Variants in RNF185 observed in about 807,000 individuals in gnomAD.
RNF185 encodes the protein ring finger protein 185.
In RNF185, 13 loss-of-function variants were observed where a neutral mutation model predicts 24.9. That is an observed-to-expected ratio of 0.52 (90% CI 0.34 to 0.83). The LOEUF (loss-of-function observed/expected upper bound fraction) is 0.83. RNF185 is among the 40% of genes least tolerant of loss of function. The pLI is 0.01. For synonymous variants in RNF185, 79 were observed against 90.3 expected (o/e 0.88, Z 0.71); for missense variants, 184 against 244.7 (o/e 0.75, Z 1.65).
chr22:31,197,737 T>G (rs1325153831), intron 5 of RNF185, among the ~76,000 whole-genome samples: 1 of 152,082 alleles, frequency 6.6e-6, no homozygotes, highest in African/African-American at 2.4e-5. Flanking sequence ...TTTTTTGTCT[T>G]TCTTTTTTTT....
intron 1 of RNF185, among the ~76,000 whole-genome samples, chr22:31,184,743 G>A (rs973432953): frequency 2.6e-5 from 4 of 152,134 alleles, no homozygotes; most frequent in Non-Finnish European, 4.4e-5. Flanking sequence ...GCAAAACCCC[G>A]TCTCCACCAA....
At chr22:31,184,183 G>A (rs971215700) in intron 1 of RNF185, among the ~76,000 whole-genome samples, 5 of 150,448 alleles carry the variant, frequency 3.3e-5, no homozygotes, top group Admixed American at 6.6e-5. Flanking sequence ...GGGCAGAGGG[G>A]CTCCTCACTT....
At chr22:31,186,916 G>A in intron 1 of RNF185, 131 bp from the exon 2 acceptor site, 1 of 669,748 alleles carries the variant, frequency 1.5e-6, no homozygotes, top group South Asian at 2.0e-5. Flanking sequence ...GTCTTCTGTA[G>A]CGCTTTGGGA....
At chr22:31,172,748 CAA>C (rs35573590) in intron 1 of RNF185, among the ~76,000 whole-genome samples, 5 of 97,708 alleles carry the variant, frequency 5.1e-5, no homozygotes, top group African/African-American at 3.8e-5. Flanking sequence ...GACCCCGTCT[CAA>C]AAAAAAAAAA....
chr22:31,176,919 A>G (rs1184820786), intron 1 of RNF185, among the ~76,000 whole-genome samples: 4 of 152,224 alleles, frequency 2.6e-5, no homozygotes, highest in African/African-American at 4.8e-5. Context: ...TAACCAGGTA[A>G]TGGGAGCTAG....
In RNF185 at chr22:31,200,827, G is replaced by A. The variant is rs1021614482; in HGVS notation, c.364-671G>A. Among the ~76,000 whole-genome samples, 3 of 152,284 alleles carry A rather than the reference G, an allele frequency of 2.0e-5. No individual in the cohort carries two copies. In the South Asian group the frequency reaches 6.2e-4, roughly 32 times the overall value. On this transcript the variant is annotated intron_variant, in intron 5 of 6. Transcript: ENST00000326132. ...TTTTATAACCAGAAAACATTATAGT[G>A]TTTTAAAATGTAAAAATTCTATGTA...
intron 4 of RNF185, 55 bp downstream of exon 4, chr22:31,195,636 T>A: frequency 8.9e-7 from 1 of 1,122,450 alleles, no homozygotes; most frequent in Non-Finnish European, 1.3e-6. Flanking sequence ...GTGAATTCAC[T>A]CCCATTCAGC....
chr22:31,176,240 A>AT (rs200812843), intron 1 of RNF185, among the ~76,000 whole-genome samples: 1,633 of 144,688 alleles, frequency 0.011, 20 homozygotes, highest in African/African-American at 0.03. Context: ...AATAAATTCA[A>AT]TTTTTTTTTT....
At chr22:31,195,873 G>A (rs1202459618) in intron 4 of RNF185, among the ~76,000 whole-genome samples, 3 of 152,224 alleles carry the variant, frequency 2.0e-5, no homozygotes, top group African/African-American at 4.8e-5. Flanking sequence ...GCTCCAGGGA[G>A]CAGGGTTGCT....
chr22:31,180,915 C>CTG (rs567264606), intron 1 of RNF185, among the ~76,000 whole-genome samples: 1,271 of 96,816 alleles, frequency 0.013, 14 homozygotes, highest in South Asian at 0.031. Context: ...CTCTCTCTCT[C>CTG]TGTGTGTGTG....
Position 31,201,595 on chromosome 22 carries a change from A to G in RNF185, c.461A>G (p.Asn154Ser). The G allele has an allele frequency of 1.2e-6, 2 of 1,610,592 alleles. No individual in the cohort carries two copies. The highest frequency in any genetic ancestry group is 1.1e-5 in the South Asian group (1 of 90,972). ...FGIFATAFNINDGRPPPAVPG... is the reference protein window; with the variant it reads ...FGIFATAFNISDGRPPPAVPG... ...ATATTTGCCACAGCATTTAATATAA[A>G]TGATGGGCGGCCTCCTCCAGGTAAG... Residue 154 changes from asparagine to serine, a missense_variant, in exon 6 of 7, where the codon AAT becomes AGT. Asn to Ser is a conservative substitution (Grantham distance 46). Transcript: ENST00000326132.
chr22:31,182,560 A>G (rs2048049953), intron 1 of RNF185, among the ~76,000 whole-genome samples: 1 of 152,180 alleles, frequency 6.6e-6, no homozygotes, highest in Non-Finnish European at 1.5e-5. Flanking sequence ...TTGGCCTCCC[A>G]AAGTGCTGGA....
chr22:31,170,353 T>C (rs1014107796), intron 1 of RNF185, among the ~76,000 whole-genome samples: 10 of 151,836 alleles, frequency 6.6e-5, no homozygotes, highest in African/African-American at 2.4e-4. Context: ...CAGGCCTGGC[T>C]AATTTTTTTC....
chr22:31,176,240 AT>A (rs200812843), intron 1 of RNF185, among the ~76,000 whole-genome samples: 2,433 of 144,754 alleles, frequency 0.017, 19 homozygotes, highest in Middle Eastern at 0.025. Flanking sequence ...AATAAATTCA[AT>A]TTTTTTTTTT....
At chr22:31,198,549 C>T (rs2048229831) in intron 5 of RNF185, among the ~76,000 whole-genome samples, 1 of 151,300 alleles carries the variant, frequency 6.6e-6, no homozygotes, top group African/African-American at 2.4e-5. Flanking sequence ...TAGGCATGGG[C>T]CACCATGCCC....
At chr22:31,203,294 G>A (rs566840660) in intron 6 of RNF185, among the ~76,000 whole-genome samples, 2 of 152,256 alleles carry the variant, frequency 1.3e-5, no homozygotes, top group East Asian at 1.9e-4. Flanking sequence ...AGAGAGGAGT[G>A]GAGACTTAGG....
At chr22:31,201,799 A>G (rs2048265431) in intron 6 of RNF185, among the ~76,000 whole-genome samples, 184 bp downstream of exon 6, 1 of 152,180 alleles carries the variant, frequency 6.6e-6, no homozygotes, top group South Asian at 2.1e-4. Flanking sequence ...AGCACTTACC[A>G]ACTATTAGGC....
At chr22:31,189,910 A>G (rs1459520886) in intron 2 of RNF185, among the ~76,000 whole-genome samples, 4 of 152,024 alleles carry the variant, frequency 2.6e-5, no homozygotes, top group Non-Finnish European at 5.9e-5. Context: ...TTTTTTTTAA[A>G]GGCAGAATGC....
intron 2 of RNF185, among the ~76,000 whole-genome samples, chr22:31,188,711 G>A (rs1341754198): frequency 6.6e-6 from 1 of 151,850 alleles, no homozygotes; most frequent in African/African-American, 2.4e-5. Context: ...TAGCTACTCG[G>A]GAGACTGAGG....
Sources: allele counts gnomAD v4.1 joint callset (sites outside exome capture counted in the v4.1 genomes callset), GRCh38; gene constraint gnomAD v4.1.1; transcripts MANE v1.5; gene names NCBI Gene and HGNC (gene_info 2026-07-23, HGNC 2026-07-21).